Variants in SS18 observed in about 807,000 individuals in gnomAD.
SS18 encodes the protein SS18 subunit of BAF chromatin remodeling complex.
SS18 carries 28 observed loss-of-function variants against 72.5 expected under a neutral mutation model. That is an observed-to-expected ratio of 0.39 (90% CI 0.29 to 0.53). The LOEUF (loss-of-function observed/expected upper bound fraction) is 0.53, where lower values mean the gene tolerates loss of function less well. SS18 is among the 20% of genes least tolerant of loss of function. SS18 has a pLI of 0.76. For synonymous variants in SS18, 172 were observed against 164.2 expected (o/e 1.05, Z -0.37); for missense variants, 518 against 535.3 (o/e 0.97, Z 0.32).
At chr18:26,066,255 T>C (rs987176335) in intron 3 of SS18, among the ~76,000 whole-genome samples, 1 of 152,020 alleles carries the variant, frequency 6.6e-6, no homozygotes, top group Non-Finnish European at 1.5e-5. Flanking sequence ...CAAATAGAGG[T>C]ACTCGATAAA....
chr18:26,039,414 A>AT lies in SS18; in HGVS notation c.649dup (p.Met217AsnfsTer23). ...GTAATGCTGTCCGCCTCCCTGTGGC[A>AT]TATTGTATTGCTGAGAAGGAGGCTG... On this transcript the variant is annotated frameshift_variant, in exon 6 of 11. Transcript: ENST00000415083. LOFTEE classifies it high-confidence loss of function. 6.2e-7 allele frequency: 1 copy of AT among 1,613,812 alleles called. No homozygotes were observed. Among genetic ancestry groups the AT allele is most frequent in the Non-Finnish European group, 8.5e-7 (1 of 1,179,820 alleles).
rs7229813 is a variant in SS18, at chr18:26,081,693, A to G, written c.147-3533T>C. Reference sequence around the variant, plus strand: ...AATATATTTTCCTCAGAAACTTTGAATATTTTTATTCTATATATAGTTACG... The same window carrying G: ...AATATATTTTCCTCAGAAACTTTGAGTATTTTTATTCTATATATAGTTACG... On this transcript the variant is annotated intron_variant, in intron 2 of 10. Transcript: ENST00000415083. Among the ~76,000 whole-genome samples, 1,502 of 152,178 alleles carry G rather than the reference A, an allele frequency of 9.9e-3. 20 individuals carry two copies. Among genetic ancestry groups the G allele is most frequent in the African/African-American group, 0.035 (1,439 of 41,452 alleles).
chr18:26,038,604 A>G lies in SS18; in HGVS notation c.831T>C (p.His277=). Residue 277 remains histidine (H), a synonymous_variant, in exon 7 of 11, where the codon CAT becomes CAC. Coordinates refer to ENST00000415083, the MANE Select transcript of SS18 (RefSeq NM_001007559.3). ...TGCCTTCTGGAGGACCTTGTCCACC[A>G]TGACTGTATTGGTCCCCGTAATAGT... ...QEDYYGDQYS[H]GGQGPPEGMN... is the part of the protein sequence containing the mutation. The G allele has an allele frequency of 6.2e-7, 1 of 1,613,612 alleles. No homozygotes were observed. The highest frequency in any genetic ancestry group is 8.5e-7 in the Non-Finnish European group (1 of 1,179,618).
intron 10 of SS18, among the ~76,000 whole-genome samples, chr18:26,023,902 T>A (rs2143786717): frequency 6.6e-6 from 1 of 150,504 alleles, no homozygotes; most frequent in East Asian, 1.9e-4. Flanking sequence ...ATAAATTCAA[T>A]ACACTGTGGG....
In SS18 at chr18:26,044,891, C is replaced by T. The variant is rs2053793061; in HGVS notation, c.608-5435G>A. ...TGAACACTAAGGCTAAGGGAAACTCCCCTGGTCAGCAATATACCCTGTGTG... is the reference window on the plus strand; with the variant it reads ...TGAACACTAAGGCTAAGGGAAACTCTCCTGGTCAGCAATATACCCTGTGTG... On this transcript the variant is annotated intron_variant, in intron 5 of 10. Transcript: ENST00000415083. 3.9e-5 allele frequency among the ~76,000 whole-genome samples: 6 copies of T among 152,124 alleles called. No individual in the cohort carries two copies. The South Asian group carries it at 1.2e-3, about 32-fold the overall frequency.
At position 26,075,598 on chromosome 18, in the gene SS18, T is replaced by A. The variant is rs777888467; in HGVS notation, c.231+2478A>T. On this transcript the variant is annotated intron_variant, in intron 3 of 10. Coordinates refer to ENST00000415083, the MANE Select transcript of SS18 (RefSeq NM_001007559.3). ...AAGGAGCTTCCTTAATCTGACAAGT[T>A]ATCTATGAAACACTACAGCAAACAT... Among the ~76,000 whole-genome samples the A allele has an allele frequency of 4.9e-4, 75 of 152,072 alleles. No homozygotes were observed. In the Middle Eastern group the frequency reaches 0.017, roughly 34 times the overall value.
In SS18 at chr18:26,016,698, G is replaced by A. The variant is rs1313477061; in HGVS notation, c.*1656C>T. On this transcript the variant is annotated 3_prime_UTR_variant, in exon 11 of 11. Coordinates refer to ENST00000415083, the MANE Select transcript of SS18 (RefSeq NM_001007559.3). ...AGATTGCGCCACTGCACTCCAGCCT[G>A]GGCGACAAGAGCAAGACTCCATCTC... The A allele has an allele frequency of 9.7e-6, 2 of 205,598 alleles. No individual in the cohort carries two copies. The highest frequency in any genetic ancestry group is 4.6e-5 in the African/African-American group (2 of 43,636). The allele number at this position is 205,598 out of a possible 1,614,324, so 12.7% of individuals were successfully genotyped here.
chr18:26,061,339 C>T (rs926815904), intron 3 of SS18, among the ~76,000 whole-genome samples: 10 of 152,096 alleles, frequency 6.6e-5, no homozygotes, highest in African/African-American at 2.4e-4. Context: ...AATAAACAAA[C>T]ACAGGACAGA....
At chr18:26,032,850 G>A (rs1267856618) in intron 9 of SS18, among the ~76,000 whole-genome samples, 3 of 152,084 alleles carry the variant, frequency 2.0e-5, no homozygotes, top group South Asian at 2.1e-4. Context: ...TAATCAATAC[G>A]TCTGATAGCG....
chr18:26,031,588 AT>A (rs1214136596), intron 10 of SS18, among the ~76,000 whole-genome samples: 6 of 152,222 alleles, frequency 3.9e-5, no homozygotes, highest in African/African-American at 1.4e-4. Context: ...CAGAGTATAT[AT>A]GAGTACATTC....
chr18:26,063,164 T>C (rs781271573), intron 3 of SS18, among the ~76,000 whole-genome samples: 48 of 152,224 alleles, frequency 3.2e-4, no homozygotes, highest in Non-Finnish European at 6.6e-4. Context: ...ATATAAAATA[T>C]ATTTTCTGAG....
At chr18:26,086,530 C>T (rs1307048365) in intron 2 of SS18, among the ~76,000 whole-genome samples, 1 of 152,156 alleles carries the variant, frequency 6.6e-6, no homozygotes, top group Admixed American at 6.5e-5. Flanking sequence ...ATGTCATCTG[C>T]TTTTTACTCA....
rs2054045501 is a variant in SS18, at chr18:26,057,622, G to T, written c.352C>A (p.His118Asn). Residue 118 changes from histidine (H) to asparagine (N), a missense_variant, in exon 4 of 11, where the codon CAC (histidine) becomes AAC (asparagine). Coordinates refer to ENST00000415083, the MANE Select transcript of SS18 (RefSeq NM_001007559.3). The part of the protein sequence containing the change: ...GMVGGGPPAP[H>N]MQNQMNGQMP... ...TGGCCGTTCATCTGGTTCTGCATGTGCGGTGCAGGAGGACCCCCACCTACC... is the reference window on the plus strand; with the variant it reads ...TGGCCGTTCATCTGGTTCTGCATGTTCGGTGCAGGAGGACCCCCACCTACC... The T allele has an allele frequency of 3.7e-6, 6 of 1,614,102 alleles. No homozygotes were observed. The highest frequency in any genetic ancestry group is 3.4e-6 in the Non-Finnish European group (4 of 1,180,000).
At chr18:26,066,073 C>G (rs1948479540) in intron 3 of SS18, among the ~76,000 whole-genome samples, 1 of 151,954 alleles carries the variant, frequency 6.6e-6, no homozygotes, top group Admixed American at 6.6e-5. Flanking sequence ...TCCCCACTGT[C>G]TGCTCCAACA....
chr18:26,090,964 G>T, upstream of SS18: 1 of 248,226 alleles, frequency 4.0e-6, no homozygotes. Context: ...AATGCGAGCG[G>T]CCCAAGCCGG....
chr18:26,024,798 T>A (rs2053417578), intron 10 of SS18, among the ~76,000 whole-genome samples: 1 of 151,990 alleles, frequency 6.6e-6, no homozygotes, highest in Admixed American at 6.6e-5. Context: ...AAAATAAAGA[T>A]GATATACTTA....
chr18:26,026,445 A>G (rs2053448733), intron 10 of SS18, among the ~76,000 whole-genome samples: 1 of 152,212 alleles, frequency 6.6e-6, no homozygotes, highest in Admixed American at 6.5e-5. Context: ...AAAATTCAAC[A>G]TTCATTCCCA....
chr18:26,052,911 G>A, intron 4 of SS18, 66 bp from the exon 5 acceptor site: 5 of 1,382,016 alleles, frequency 3.6e-6, no homozygotes, highest in Non-Finnish European at 4.0e-6. Flanking sequence ...AAAAGTACCT[G>A]GAAATAATTT....
At position 26,063,217 on chromosome 18, in the gene SS18, GA is replaced by G. The variant is rs573581370; in HGVS notation, c.232-5476del. ...AGAAATCAGTAGGCCGGGCACAGTG[GA>G]ATTAAATTAGAAATCAGTAGGCCGG... On this transcript the variant is annotated intron_variant, in intron 3 of 10. Transcript: ENST00000415083. 1.1e-3 allele frequency among the ~76,000 whole-genome samples: 170 copies of G among 152,210 alleles called. 2 individuals carry two copies. The highest frequency in any genetic ancestry group is 3.7e-3 in the African/African-American group (153 of 41,514).
Sources: gnomAD v4.1 joint callset for allele counts (sites outside exome capture counted in the v4.1 genomes callset) on GRCh38, gnomAD v4.1.1 for gene constraint, MANE v1.5 for transcripts, NCBI Gene and HGNC (gene_info 2026-07-23, HGNC 2026-07-21) for gene names.